KAZN: variants seen among roughly 807,000 people sequenced by gnomAD.
KAZN encodes kazrin.
In KAZN, 40 loss-of-function variants were observed where a neutral mutation model predicts 87.4. The ratio of observed to expected loss-of-function variants is 0.46; its 90% confidence interval spans 0.36 to 0.60. KAZN has a LOEUF of 0.60. KAZN is among the 20% of genes least tolerant of loss of function. The pLI is 0.00. For missense variants in KAZN, 898 were observed against 1,073.9 expected, an observed-to-expected ratio of 0.84 and a Z score of 2.29; for synonymous variants, 466 against 458.3, an observed-to-expected ratio of 1.02 and a Z score of -0.22.
chr1:14,035,080 AGG>A (rs1641492596), intron 1 of KAZN, among the ~76,000 whole-genome samples: 1 of 152,196 alleles, frequency 6.6e-6, no homozygotes, highest in African/African-American at 2.4e-5. Context: ...CAGCAAAAGA[AGG>A]TGTCTTCTTT....
At chr1:14,729,086 C>T (rs1427591505) in intron 1 of KAZN, among the ~76,000 whole-genome samples, 2 of 152,162 alleles carry the variant, frequency 1.3e-5, no homozygotes, top group Non-Finnish European at 2.9e-5. Context: ...GGCTTTCCTG[C>T]CCGTCTCCTG....
At chr1:14,233,104 T>C (rs1307488386) in intron 2 of KAZN, among the ~76,000 whole-genome samples, 1 of 152,104 alleles carries the variant, frequency 6.6e-6, no homozygotes, top group East Asian at 1.9e-4. Flanking sequence ...ATGTGTAAAA[T>C]AGCAGTAGAG....
intron 3 of KAZN, among the ~76,000 whole-genome samples, chr1:15,041,222 A>T (rs1672862162): frequency 6.6e-6 from 1 of 150,986 alleles, no homozygotes; most frequent in East Asian, 1.9e-4. Flanking sequence ...TCCACCTCCC[A>T]AAGTGCTGGG....
chr1:14,599,933 T>A lies in KAZN; in HGVS notation c.226+710T>A, dbSNP rs1011348348. ...CTGCAGGGAGCCCGTTTGAAGGGAC[T>A]CTGCGGTTTAGAGAAGAGGAAGAAA... On this transcript the variant is annotated intron_variant, in intron 1 of 14. Transcript: ENST00000376030. The surrounding 1 kb of genome is among the most constrained non-coding windows in gnomAD (Gnocchi z 4.4). Among the ~76,000 whole-genome samples the A allele has an allele frequency of 6.6e-6, 1 of 151,994 alleles. No individual in the cohort carries two copies. Among genetic ancestry groups the A allele is most frequent in the African/African-American group, 2.4e-5 (1 of 41,372 alleles).
intron 1 of KAZN, among the ~76,000 whole-genome samples, chr1:13,925,917 G>A (rs80132111): frequency 0.024 from 3,598 of 152,186 alleles, 68 homozygotes; most frequent in Non-Finnish European, 0.035. Context: ...GGGAGTGAGG[G>A]CAGAAGAGTG....
intron 2 of KAZN, among the ~76,000 whole-genome samples, chr1:14,368,313 T>G (rs1004557848): frequency 8.5e-5 from 13 of 152,280 alleles, no homozygotes; most frequent in South Asian, 2.1e-4. Flanking sequence ...ACGGGATGCA[T>G]CCCTGAGAGC....
Position 14,439,132 on chromosome 1 carries a change from G to A in KAZN, c.250-159851G>A, listed in dbSNP as rs554805943. ...CAAAATATCCAAAACTGAACTCATC[G>A]TTTTTCTCCACACCCAAAACCTGCC... On this transcript the variant is annotated intron_variant, in intron 2 of 16. Coordinates refer to the KAZN transcript ENST00000636203. Among the ~76,000 whole-genome samples, 24 of 152,240 alleles carry A rather than the reference G, an allele frequency of 1.6e-4. No individual in the cohort carries two copies. In the South Asian group the frequency reaches 3.1e-3, roughly 20 times the overall value.
At chr1:14,400,040 A>C in intron 2 of KAZN, among the ~76,000 whole-genome samples, 1 of 152,158 alleles carries the variant, frequency 6.6e-6, no homozygotes, top group East Asian at 1.9e-4. Flanking sequence ...GTTAATGCCC[A>C]CACTCCTACC....
At chr1:14,514,377 T>TATATATATTATATATATTTATATATATA (rs1553182451) in intron 2 of KAZN, among the ~76,000 whole-genome samples, 1 of 12,214 alleles carries the variant, frequency 8.2e-5, no homozygotes, top group African/African-American at 3.4e-4. Context: ...ATATATATAA[T>TATATATATTATATATATTTATATATATA]ATATATATAT....
chr1:14,014,205 G>A (rs182736789), intron 1 of KAZN, among the ~76,000 whole-genome samples: 3 of 152,154 alleles, frequency 2.0e-5, no homozygotes, highest in African/African-American at 7.2e-5. Context: ...TGTTGCAACT[G>A]TGTCTGTTGT....
intron 2 of KAZN, among the ~76,000 whole-genome samples, chr1:14,533,996 T>C (rs1672347984): frequency 6.6e-6 from 1 of 152,200 alleles, no homozygotes; most frequent in Admixed American, 6.5e-5. Context: ...TTATAAATGA[T>C]CTCAAAAGTT....
intron 1 of KAZN, among the ~76,000 whole-genome samples, chr1:14,079,522 C>T (rs1181470611): frequency 3.3e-5 from 5 of 152,108 alleles, no homozygotes; most frequent in East Asian, 3.9e-4. Flanking sequence ...AGGAATGCTA[C>T]GTGTTCTAGG....
In KAZN at chr1:14,599,211, C is replaced by T; in HGVS notation, c.214C>T (p.Leu72Phe). ...SAATNMENPQ[L>F]GAQVLLREEV... is the part of the protein sequence containing the mutation. ...GGCGACGAACATGGAGAACCCCCAG[C>T]TTGGAGCGCAAGGTAGGATCGCCCC... Residue 72 changes from leucine to phenylalanine, a missense_variant, in exon 1 of 15, where the codon CTT (leucine) becomes TTT (phenylalanine). By Grantham distance (22) the Leu-to-Phe change is conservative (BLOSUM62 0). Coordinates refer to ENST00000376030, the MANE Select transcript of KAZN (RefSeq NM_201628.3). The surrounding 1 kb of genome is among the most constrained non-coding windows in gnomAD (Gnocchi z 4.4). The T allele has an allele frequency of 7.1e-7, 1 of 1,400,372 alleles. No individual in the cohort carries two copies. Among genetic ancestry groups the T allele is most frequent in the East Asian group, 2.9e-5 (1 of 34,416 alleles). 86.7% of individuals were successfully genotyped at this position (1,400,372 alleles called of 1,614,324 possible).
chr1:14,961,849 A>T (rs1240026408), intron 2 of KAZN, among the ~76,000 whole-genome samples: 1 of 152,250 alleles, frequency 6.6e-6, no homozygotes, highest in African/African-American at 2.4e-5. Context: ...CCCAAAACAC[A>T]GAGGCTTAAA....
chr1:14,496,715 C>T (rs1282888806), intron 2 of KAZN, among the ~76,000 whole-genome samples: 1 of 152,130 alleles, frequency 6.6e-6, no homozygotes, highest in Non-Finnish European at 1.5e-5. Flanking sequence ...TGGGCTCTCT[C>T]AGTCACACTG....
chr1:14,344,634 A>G (rs969753261), intron 2 of KAZN, among the ~76,000 whole-genome samples: 2 of 152,180 alleles, frequency 1.3e-5, no homozygotes, highest in Non-Finnish European at 2.9e-5. Context: ...GCTATGGAAG[A>G]ACAATAAAGC....
intron 2 of KAZN, among the ~76,000 whole-genome samples, chr1:14,553,454 C>T (rs1367563906): frequency 6.6e-6 from 1 of 152,222 alleles, no homozygotes; most frequent in African/African-American, 2.4e-5. Context: ...AAGTGAAACT[C>T]AACATGTCAG....
At chr1:14,407,753 A>C (rs1663981607) in intron 2 of KAZN, among the ~76,000 whole-genome samples, 1 of 150,654 alleles carries the variant, frequency 6.6e-6, no homozygotes, top group Non-Finnish European at 1.5e-5. Context: ...ACAAACAAAA[A>C]CCATGTCTTT....
chr1:13,984,654 T>G (rs1307970257), intron 1 of KAZN, among the ~76,000 whole-genome samples: 2 of 152,234 alleles, frequency 1.3e-5, no homozygotes, highest in Admixed American at 1.3e-4. Flanking sequence ...TGTGATTTTA[T>G]GTATGTTACT....
Sources: gnomAD v4.1 joint callset for allele counts (sites outside exome capture counted in the v4.1 genomes callset) on GRCh38, gnomAD v4.1.1 for gene constraint, Gnocchi (gnomAD v3.1) non-coding constraint, MANE v1.5 for transcripts, NCBI Gene and HGNC (gene_info 2026-07-23, HGNC 2026-07-21) for gene names.